Variants in SIL1 observed in about 807,000 individuals in gnomAD.
SIL1 encodes the protein nucleotide exchange factor SIL1.
In SIL1, 40 loss-of-function variants were observed where a neutral mutation model predicts 49.1. The ratio of observed to expected loss-of-function variants is 0.81; its 90% CI spans 0.63 to 1.06. The LOEUF is 1.06. Among genes scored for constraint, SIL1 ranks in the 50% least tolerant of loss-of-function variants. The pLI is 0.00. For synonymous variants in SIL1, 253 were observed against 250.8 expected, an observed-to-expected ratio of 1.01 and a Z score of -0.08; for missense variants, 500 against 572.6, an observed-to-expected ratio of 0.87 and a Z score of 1.29.
intron 5 of SIL1, among the ~76,000 whole-genome samples, chr5:139,034,958 A>G (rs1768869213): frequency 6.6e-6 from 1 of 152,138 alleles, no homozygotes; most frequent in Non-Finnish European, 1.5e-5. Context: ...AACAATAGCC[A>G]TTATAGTTGG....
intron 3 of SIL1, among the ~76,000 whole-genome samples, chr5:139,098,369 C>T (rs921571744): frequency 6.6e-6 from 1 of 152,146 alleles, no homozygotes; most frequent in African/African-American, 2.4e-5. Flanking sequence ...ATAAATGGTG[C>T]TGGGAAAACT....
At chr5:139,082,088 G>T (rs1355872595) in intron 3 of SIL1, among the ~76,000 whole-genome samples, 2 of 152,142 alleles carry the variant, frequency 1.3e-5, no homozygotes, top group Non-Finnish European at 2.9e-5. Context: ...ACATCATCTT[G>T]TTTAATTTTC....
intron 3 of SIL1, chr5:139,093,949 C>G (rs1319981710): frequency 6.6e-6 from 1 of 152,216 alleles, no homozygotes; most frequent in African/African-American, 2.4e-5. Context: ...TTCCTCCTCT[C>G]AGGAAGCCAG....
chr5:139,165,080 A>AT (rs1455357285), intron 1 of SIL1, among the ~76,000 whole-genome samples: 2 of 152,094 alleles, frequency 1.3e-5, no homozygotes, highest in Admixed American at 6.6e-5. Flanking sequence ...GATCCAGGAG[A>AT]TAATCAACTA....
At position 138,953,195 on chromosome 5, in the gene SIL1, C is replaced by T. The variant is rs569184613; in HGVS notation, c.768-1311G>A. 4 of 152,530 alleles carry T rather than the reference C, an allele frequency of 2.6e-5. No individual in the cohort carries two copies. The South Asian group carries it at 6.2e-4, about 24-fold the overall frequency. The allele number at this position is 152,530 out of a possible 1,614,324, so 9.4% of individuals were successfully genotyped here. On this transcript the variant is annotated intron_variant, in intron 7 of 9. Transcript: ENST00000394817. ...AGAGACCCAAAAAGCACCTGTTCCT[C>T]CTAACTCCCAACCCTCCTGGCCAGG...
chr5:139,042,903 G>C (rs1183111672), intron 4 of SIL1, among the ~76,000 whole-genome samples, 184 bp from the exon 5 acceptor site: 1 of 152,186 alleles, frequency 6.6e-6, no homozygotes, highest in Non-Finnish European at 1.5e-5. Context: ...GTGGGAAGCA[G>C]GAGGATCACT....
At chr5:139,042,779 T>C (rs772752678) in intron 4 of SIL1, 60 bp from the exon 5 acceptor site, 5 of 1,479,806 alleles carry the variant, frequency 3.4e-6, no homozygotes, top group Non-Finnish European at 4.7e-6. Context: ...GGCTCACAGT[T>C]GTAATCCCAG....
chr5:139,093,871 C>G (rs926648526), intron 3 of SIL1: 7 of 152,294 alleles, frequency 4.6e-5, no homozygotes, highest in African/African-American at 1.7e-4. Context: ...CCATGCTTTC[C>G]CCCACTGTCT....
intron 7 of SIL1, chr5:139,012,423 A>C (rs1219415411): frequency 6.6e-6 from 1 of 152,096 alleles, no homozygotes; most frequent in Non-Finnish European, 1.5e-5. Context: ...GGGAGACCAA[A>C]GTGCTGGCAT....
chr5:139,096,422 C>T (rs1183323345), intron 3 of SIL1, among the ~76,000 whole-genome samples: 3 of 152,012 alleles, frequency 2.0e-5, no homozygotes, highest in African/African-American at 7.3e-5. Context: ...AGACAGTAGA[C>T]GGTGGGGCGG....
chr5:139,191,168 G>A (rs1581161987), intron 1 of SIL1, among the ~76,000 whole-genome samples: 1 of 143,728 alleles, frequency 7.0e-6, no homozygotes, highest in East Asian at 2.1e-4. Flanking sequence ...GGAGGCAGAG[G>A]TTGCAGTGAG....
intron 1 of SIL1, among the ~76,000 whole-genome samples, chr5:139,189,943 C>T (rs540271000): frequency 7.9e-5 from 12 of 152,290 alleles, no homozygotes; most frequent in African/African-American, 2.9e-4. Context: ...GTCCCTAGTG[C>T]CAAAAAGGTT....
chr5:139,184,051 G>A (rs1003368714), intron 1 of SIL1, among the ~76,000 whole-genome samples: 8 of 152,100 alleles, frequency 5.3e-5, no homozygotes, highest in African/African-American at 1.9e-4. Context: ...CTTTAGTTTA[G>A]GTTTCTCCAA....
At chr5:139,009,844 A>C (rs1190966396) in intron 7 of SIL1, among the ~76,000 whole-genome samples, 1 of 139,102 alleles carries the variant, frequency 7.2e-6, no homozygotes, top group Non-Finnish European at 1.6e-5. Flanking sequence ...TGTTAGTCTG[A>C]TGGGCTTCCC....
At chr5:139,183,993 G>A (rs545102158) in intron 1 of SIL1, among the ~76,000 whole-genome samples, 9 of 152,296 alleles carry the variant, frequency 5.9e-5, no homozygotes, top group African/African-American at 1.9e-4. Context: ...AGAATAGGAA[G>A]CCAGACTGTC....
chr5:139,031,623 T>A (rs998788153), intron 5 of SIL1, among the ~76,000 whole-genome samples: 3 of 152,360 alleles, frequency 2.0e-5, no homozygotes, highest in South Asian at 2.1e-4. Context: ...AACTTTAGAA[T>A]AAGCTCATCT....
At chr5:138,956,299 CCCA>C (rs1766900078) in intron 7 of SIL1, among the ~76,000 whole-genome samples, 4 of 152,300 alleles carry the variant, frequency 2.6e-5, no homozygotes, top group Admixed American at 2.6e-4. Context: ...CTCTGGTGGC[CCCA>C]CCTTGCTTAT....
At chr5:139,137,057 C>T (rs1176196268) in intron 1 of SIL1, among the ~76,000 whole-genome samples, 1 of 152,224 alleles carries the variant, frequency 6.6e-6, no homozygotes, top group African/African-American at 2.4e-5. Context: ...AGTCCTTCCA[C>T]TTTGTGGAAA....
intron 5 of SIL1, chr5:139,035,200 T>G (rs1768875357): frequency 7.1e-6 from 3 of 422,384 alleles, no homozygotes; most frequent in Non-Finnish European, 4.6e-6. Context: ...TATGATGTCA[T>G]GAGGTGACGG....
Sources: allele counts gnomAD v4.1 joint callset (sites outside exome capture counted in the v4.1 genomes callset), GRCh38; gene constraint gnomAD v4.1.1; transcripts MANE v1.5; gene names NCBI Gene and HGNC (gene_info 2026-07-23, HGNC 2026-07-21).